PCDHGA3: variants seen among roughly 807,000 people sequenced by gnomAD.
The protein encoded by PCDHGA3 is protocadherin gamma-A3.
In PCDHGA3, 40 loss-of-function variants were observed where a neutral mutation model predicts 58.5. The observed-to-expected ratio is 0.68, with a 90% confidence interval of 0.53 to 0.89. The LOEUF (loss-of-function observed/expected upper bound fraction) is 0.89, where lower values mean the gene tolerates loss of function less well. Among genes scored for constraint, PCDHGA3 ranks in the 40% least tolerant of loss-of-function variants. The pLI, the probability that PCDHGA3 is intolerant of heterozygous loss-of-function variation, is 0.00. For missense variants in PCDHGA3, 1,223 were observed against 1,195.9 expected, an observed-to-expected ratio of 1.02 and a Z score of -0.33; for synonymous variants, 530 against 525.7, an observed-to-expected ratio of 1.01 and a Z score of -0.11.
intron 1 of PCDHGA3, chr5:141,418,608 G>A (rs1265400499): frequency 6.2e-7 from 1 of 1,614,040 alleles, no homozygotes; most frequent in Admixed American, 1.7e-5. Flanking sequence ...TACAGGGTTA[G>A]CCTTCGGGAA....
At chr5:141,421,213 G>C (rs916345810) in intron 1 of PCDHGA3, 3 of 1,548,472 alleles carry the variant, frequency 1.9e-6, no homozygotes, top group Admixed American at 4.1e-5. Context: ...GCGGAATATC[G>C]GCTTAGAGCC....
chr5:141,428,388 C>A, intron 1 of PCDHGA3: 1 of 506,160 alleles, frequency 2.0e-6, no homozygotes, highest in African/African-American at 1.9e-5. Flanking sequence ...GCTCTTCCAG[C>A]CCCTCTGCCT....
chr5:141,352,858 C>T (rs889457507), intron 1 of PCDHGA3, among the ~76,000 whole-genome samples: 2 of 152,006 alleles, frequency 1.3e-5, no homozygotes, highest in South Asian at 2.1e-4. Context: ...TGTGGTGGCA[C>T]GCGCCTGTAG....
Position 141,382,839 on chromosome 5 carries a change from T to C in PCDHGA3, c.2424+36382T>C, listed in dbSNP as rs11575957. On this transcript the variant is annotated intron_variant, in intron 1 of 3. Coordinates refer to ENST00000253812, the MANE Select transcript of PCDHGA3 (RefSeq NM_018916.4). ...CCTAAGACAGAGGGGTCCACCCGGATACACCCGCATTCTGAAGCACTTCCC... is the reference window on the plus strand; with the variant it reads ...CCTAAGACAGAGGGGTCCACCCGGACACACCCGCATTCTGAAGCACTTCCC... The C allele has an allele frequency of 5.0e-3, 7,225 of 1,450,218 alleles. 38 individuals are homozygous for C. Among genetic ancestry groups the C allele is most frequent in the Admixed American group, 9.6e-3 (425 of 44,246 alleles). 89.8% of individuals were successfully genotyped at this position (1,450,218 alleles called of 1,614,324 possible).
intron 1 of PCDHGA3, chr5:141,484,946 C>T (rs2154580274): frequency 3.6e-6 from 2 of 561,448 alleles, no homozygotes; most frequent in Non-Finnish European, 6.4e-6. Flanking sequence ...CTCTGCTCAG[C>T]CTATTGGCTG....
At chr5:141,374,030 T>C (rs1023437506) in intron 1 of PCDHGA3, 4 of 1,430,336 alleles carry the variant, frequency 2.8e-6, no homozygotes, top group African/African-American at 1.4e-5. Flanking sequence ...GCAAAAGTGA[T>C]GCAGATCTGT....
chr5:141,410,153 C>G (rs200651346), intron 1 of PCDHGA3: 9 of 1,612,786 alleles, frequency 5.6e-6, no homozygotes. Context: ...TGACGGTGGA[C>G]AGCCGCCACT....
At chr5:141,399,922 T>C in intron 1 of PCDHGA3, 1 of 1,612,334 alleles carries the variant, frequency 6.2e-7, no homozygotes, top group African/African-American at 1.3e-5. Flanking sequence ...ACACAACGCC[T>C]GGCTGTCCTA....
chr5:141,404,177 A>C, intron 1 of PCDHGA3: 1 of 1,613,448 alleles, frequency 6.2e-7, no homozygotes, highest in Non-Finnish European at 8.5e-7. Context: ...GACGGCCCAA[A>C]TTCTTGACCG....
rs1193497090 is a variant in PCDHGA3 at position 141,485,890 on chromosome 5, C to T, written c.2425-8917C>T. On this transcript the variant is annotated intron_variant, in intron 1 of 3. Coordinates refer to ENST00000253812, the MANE Select transcript of PCDHGA3 (RefSeq NM_018916.4). This position sits in a 1 kb window ranked among gnomAD's most constrained non-coding sequence, Gnocchi z 5.7. ...CCGTGCTGGACGTAAACGACAACGC[C>T]CCAGCCTTCCAGCAATCCAGCTACA... The T allele has an allele frequency of 6.2e-6, 10 of 1,614,156 alleles. No homozygotes were observed. Among genetic ancestry groups the T allele is most frequent in the Non-Finnish European group, 6.8e-6 (8 of 1,180,022 alleles).
chr5:141,395,886 C>A (rs538799478), intron 1 of PCDHGA3: 1 of 152,168 alleles, frequency 6.6e-6, no homozygotes, highest in East Asian at 1.9e-4. Context: ...TCAGTGGTCA[C>A]CTGGGCTCCA....
chr5:141,384,425 C>T lies in PCDHGA3; in HGVS notation c.2424+37968C>T. ...GTGTCCTCCTATGTCTCCATAAACT[C>T]TGACACTGGAGTCCTGTACGCGCTG... On this transcript the variant is annotated intron_variant, in intron 1 of 3. Coordinates refer to ENST00000253812, the MANE Select transcript of PCDHGA3 (RefSeq NM_018916.4). 1.9e-6 allele frequency: 3 copies of T among 1,613,982 alleles called. No individual in the cohort carries two copies. The South Asian group carries it at 3.3e-5, about 18-fold the overall frequency.
Position 141,486,294 on chromosome 5 carries a change from T to C in PCDHGA3, c.2425-8513T>C, listed in dbSNP as rs764106041. The C allele has an allele frequency of 1.2e-6, 2 of 1,614,036 alleles. No homozygotes were observed. The highest frequency in any genetic ancestry group is 1.7e-6 in the Non-Finnish European group (2 of 1,179,998). On this transcript the variant is annotated intron_variant, in intron 1 of 3. Transcript: ENST00000253812. The surrounding 1 kb of genome is among the most constrained non-coding windows in gnomAD (Gnocchi z 5.0). ...GGCACTGTGGTGGCACTTATCAGTG[T>C]GCAGGATCCAGACTCAGGGTCAAAC...
chr5:141,352,731 T>C lies in PCDHGA3; in HGVS notation c.2424+6274T>C, dbSNP rs1759098100. ...GCGGCCGGGCGCGGTGGCTCAAGCC[T>C]GTAATCCCAGCACTTAACCAGGCTG... On this transcript the variant is annotated intron_variant, in intron 1 of 3. Transcript: ENST00000253812. 2.0e-6 allele frequency: 3 copies of C among 1,516,406 alleles called. No homozygotes were observed. The East Asian group carries it at 7.4e-5, about 37-fold the overall frequency. 93.9% of individuals were successfully genotyped at this position (1,516,406 alleles called of 1,614,324 possible). A position where few individuals can be genotyped will look rare whatever the true frequency, so the allele number is the denominator to read the frequency against.
chr5:141,409,903 G>A (rs570063514), intron 1 of PCDHGA3: 1 of 1,613,268 alleles, frequency 6.2e-7, no homozygotes, highest in Non-Finnish European at 8.5e-7. Flanking sequence ...ACCCAGCTCT[G>A]GGTCCTGACG....
intron 1 of PCDHGA3, chr5:141,422,357 C>T: frequency 6.4e-7 from 1 of 1,557,656 alleles, no homozygotes; most frequent in South Asian, 1.3e-5. Context: ...GATCAAGATT[C>T]TGGAGAAAAT....
In PCDHGA3 at chr5:141,346,239, C is replaced by G. The variant is rs373249653; in HGVS notation, c.2206C>G (p.Pro736Ala). 6.2e-7 allele frequency: 1 copy of G among 1,614,224 alleles called. No individual in the cohort carries two copies. The highest frequency in any genetic ancestry group is 1.7e-5 in the Admixed American group (1 of 60,032). ...TTCGGGAGGCGGCTTGGCGAGTACGCCCGGCTCGCACTTTGTGGGCGCGGA... is the reference window on the plus strand; with the variant it reads ...TTCGGGAGGCGGCTTGGCGAGTACGGCCGGCTCGCACTTTGTGGGCGCGGA... ...QASGGGLAST[P>A]GSHFVGADGV... The change falls in exon 1 of 4, where the codon CCC becomes GCC. Residue 736 changes from proline to alanine, a missense_variant. Transcript: ENST00000253812.
rs549829392 is a variant in PCDHGA3 at position 141,403,606 on chromosome 5, C to T, written c.2424+57149C>T. The T allele has an allele frequency of 3.1e-5, 50 of 1,613,710 alleles. No homozygotes were observed. The East Asian group carries it at 8.5e-4, about 27-fold the overall frequency. Reference sequence around the variant, plus strand: ...TGGTCCTCACGGCCTCGGATGGCGGCGAGCCGCGTCGCTCCAGCACAGTGC... The same window carrying T: ...TGGTCCTCACGGCCTCGGATGGCGGTGAGCCGCGTCGCTCCAGCACAGTGC... On this transcript the variant is annotated intron_variant, in intron 1 of 3. Coordinates refer to ENST00000253812, the MANE Select transcript of PCDHGA3 (RefSeq NM_018916.4).
At position 141,431,277 on chromosome 5, in the gene PCDHGA3, G is replaced by T; in HGVS notation, c.2425-63530G>T. 6.2e-7 allele frequency: 1 copy of T among 1,614,160 alleles called. No homozygotes were observed. The highest frequency in any genetic ancestry group is 1.3e-5 in the African/African-American group (1 of 75,062). On this transcript the variant is annotated intron_variant, in intron 1 of 3. Transcript: ENST00000253812. This position sits in a 1 kb window ranked among gnomAD's most constrained non-coding sequence, Gnocchi z 4.8. ...AACTCTCTGCAGAGCTACGAGCTCAGCCCGAACACTCACTTCTCCCTCATC... is the reference window on the plus strand; with the variant it reads ...AACTCTCTGCAGAGCTACGAGCTCATCCCGAACACTCACTTCTCCCTCATC...
Sources: gnomAD v4.1 joint callset for allele counts (sites outside exome capture counted in the v4.1 genomes callset) on GRCh38, gnomAD v4.1.1 for gene constraint, Gnocchi (gnomAD v3.1) non-coding constraint, MANE v1.5 for transcripts, NCBI Gene and HGNC (gene_info 2026-07-23, HGNC 2026-07-21) for gene names.